The following SVEP1 variants were observed in gnomAD, a reference collection of about 807,000 sequenced individuals.
SVEP1 encodes sushi, von Willebrand factor type A, EGF and pentraxin domain-containing protein 1.
In SVEP1, 164 loss-of-function variants were observed where a neutral mutation model predicts 367.3. That is an observed-to-expected ratio of 0.45 (90% confidence interval 0.39 to 0.51). The LOEUF is 0.51. Among genes scored for constraint, SVEP1 ranks in the 20% least tolerant of loss-of-function variants. The pLI, the probability that SVEP1 is intolerant of heterozygous loss-of-function variation, is 0.00. For synonymous variants in SVEP1, 1,666 were observed against 1,611.6 expected (o/e 1.03, Z -0.81); for missense variants, 4,117 against 4,425.3 (o/e 0.93, Z 1.98).
At chr9:110,448,232 G>A (rs868842569) in intron 24 of SVEP1, among the ~76,000 whole-genome samples, 5 of 152,112 alleles carry the variant, frequency 3.3e-5, no homozygotes, top group East Asian at 1.9e-4. Context: ...TAAAACTTAC[G>A]TCTTTAAAAC....
intron 1 of SVEP1, among the ~76,000 whole-genome samples, chr9:110,568,662 G>C (rs1360317597): frequency 2.6e-5 from 4 of 152,100 alleles, no homozygotes; most frequent in Non-Finnish European, 5.9e-5. Flanking sequence ...TCTGACAAAT[G>C]TAAGAAAATA....
Position 110,579,406 on chromosome 9 carries a change from G to A in SVEP1, c.138C>T (p.Ile46=). The change falls in exon 1 of 48, where the codon ATC becomes ATT. Residue 46 remains isoleucine, a synonymous_variant. Transcript: ENST00000374469. The surrounding 1 kb of genome is among the most constrained non-coding windows in gnomAD (Gnocchi z 5.3). ...CGTCGCCAGGAGCGGGCGGCGCGGG[G>A]ATACTCCCGGGGGCCCCGGGCGCGG... ...PETAPGAPGS[I]PAPPAPGDEA... is the part of the protein sequence containing the mutation. 1 of 1,576,876 alleles carries A rather than the reference G, an allele frequency of 6.3e-7. No individual in the cohort carries two copies. The highest frequency in any genetic ancestry group is 8.6e-7 in the Non-Finnish European group (1 of 1,162,382).
chr9:110,549,046 G>A (rs1830252656), intron 2 of SVEP1, among the ~76,000 whole-genome samples: 2 of 152,070 alleles, frequency 1.3e-5, no homozygotes, highest in East Asian at 1.9e-4. Context: ...ATGTTGCCAT[G>A]GTTTTCCCCT....
intron 43 of SVEP1, among the ~76,000 whole-genome samples, chr9:110,383,537 CTCATCCGTGACCCCTGTTGTG>C (rs1827474727): frequency 1.7e-5 from 1 of 58,108 alleles, no homozygotes; most frequent in African/African-American, 7.2e-5. Context: ...GTGGGGGGGT[CTCATCCGTGACCCCTGTTGTG>C]GGGGGGTCTC....
chr9:110,386,128 A>G, intron 42 of SVEP1, 54 bp from the exon 43 acceptor site: 1 of 1,564,702 alleles, frequency 6.4e-7, no homozygotes, highest in African/African-American at 1.4e-5. Flanking sequence ...TTCCTAATGT[A>G]TTTCTTTGAA....
At chr9:110,409,366 G>T (rs969700357) in intron 37 of SVEP1, among the ~76,000 whole-genome samples, 1 of 152,150 alleles carries the variant, frequency 6.6e-6, no homozygotes, top group African/African-American at 2.4e-5. Context: ...AGGTTGCAGT[G>T]AGCTGAGATT....
intron 3 of SVEP1, among the ~76,000 whole-genome samples, chr9:110,529,149 T>A (rs903764821): frequency 2.6e-5 from 4 of 152,246 alleles, no homozygotes; most frequent in Admixed American, 6.5e-5. Context: ...CCCCAGTGTG[T>A]ATATTTTTGT....
At chr9:110,488,447 A>G (rs1829318791) in intron 9 of SVEP1, among the ~76,000 whole-genome samples, 1 of 152,156 alleles carries the variant, frequency 6.6e-6, no homozygotes, top group Non-Finnish European at 1.5e-5. Context: ...GAGGAAGAGA[A>G]GCCTACAAAA....
intron 3 of SVEP1, among the ~76,000 whole-genome samples, chr9:110,516,818 A>T (rs1376617337): frequency 1.3e-5 from 2 of 152,222 alleles, no homozygotes; most frequent in Non-Finnish European, 2.9e-5. Context: ...ATGCAAAGAT[A>T]TGAGAAGTAA....
chr9:110,394,858 G>A (rs1588031018), intron 40 of SVEP1, among the ~76,000 whole-genome samples: 2 of 152,286 alleles, frequency 1.3e-5, no homozygotes, highest in East Asian at 3.9e-4. Context: ...TATGTGAAAA[G>A]ACCAAATCTA....
chr9:110,381,355 T>A (rs1827433213), intron 43 of SVEP1, among the ~76,000 whole-genome samples: 1 of 152,212 alleles, frequency 6.6e-6, no homozygotes. Context: ...GCTATAAATT[T>A]CCCTCTTAAC....
chr9:110,556,787 C>T (rs1004666836), intron 1 of SVEP1, among the ~76,000 whole-genome samples: 7 of 152,022 alleles, frequency 4.6e-5, no homozygotes, highest in African/African-American at 1.5e-4. Flanking sequence ...CCACACTTGG[C>T]CATAACGTTA....
intron 1 of SVEP1, among the ~76,000 whole-genome samples, chr9:110,575,140 AC>A (rs2118890987): frequency 6.6e-6 from 1 of 152,270 alleles, no homozygotes; most frequent in African/African-American, 2.4e-5. Context: ...GCTAATACAA[AC>A]TTTTGAGAAA....
At chr9:110,451,636 T>A (rs1195435169) in intron 22 of SVEP1, among the ~76,000 whole-genome samples, 1 of 152,228 alleles carries the variant, frequency 6.6e-6, no homozygotes, top group Admixed American at 6.5e-5. Context: ...CACGAATATC[T>A]GACCATATTT....
At chr9:110,576,108 T>G (rs1830624325) in intron 1 of SVEP1, among the ~76,000 whole-genome samples, 1 of 152,168 alleles carries the variant, frequency 6.6e-6, no homozygotes, top group South Asian at 2.1e-4. Context: ...AAAACATGAA[T>G]ATTCTTTGAT....
chr9:110,556,794 G>A (rs570371739), intron 1 of SVEP1, among the ~76,000 whole-genome samples: 15 of 151,988 alleles, frequency 9.9e-5, no homozygotes, highest in Admixed American at 3.9e-4. Flanking sequence ...TGGCCATAAC[G>A]TTATCTTTTA....
chr9:110,562,665 C>A (rs996005718), intron 1 of SVEP1, among the ~76,000 whole-genome samples: 2 of 152,092 alleles, frequency 1.3e-5, no homozygotes, highest in Non-Finnish European at 2.9e-5. Flanking sequence ...AAGAACAAGG[C>A]AAGAATGCCT....
intron 8 of SVEP1, among the ~76,000 whole-genome samples, chr9:110,490,976 T>C (rs1234492509): frequency 6.6e-6 from 1 of 152,016 alleles, no homozygotes; most frequent in African/African-American, 2.4e-5. Flanking sequence ...ACTCATGAAA[T>C]GATTTGATAA....
chr9:110,405,744 G>T (rs189888626), intron 38 of SVEP1, among the ~76,000 whole-genome samples: 2 of 152,062 alleles, frequency 1.3e-5, no homozygotes, highest in Non-Finnish European at 2.9e-5. Flanking sequence ...CATGATCATG[G>T]CCTGAATTCT....
Sources: gnomAD v4.1 joint callset for allele counts (sites outside exome capture counted in the v4.1 genomes callset) on GRCh38, gnomAD v4.1.1 for gene constraint, Gnocchi (gnomAD v3.1) non-coding constraint, MANE v1.5 for transcripts, NCBI Gene and HGNC (gene_info 2026-07-23, HGNC 2026-07-21) for gene names.